The following DRG1 variants were observed in gnomAD, a reference collection of about 807,000 sequenced individuals.
The protein encoded by DRG1 is developmentally regulated GTP binding protein 1.
A neutral mutation model predicts 38.8 loss-of-function variants in DRG1; 19 were observed. The observed-to-expected ratio is 0.49, with a 90% CI of 0.34 to 0.72. DRG1 has a LOEUF of 0.72. DRG1 is among the 30% of genes least tolerant of loss of function. The pLI is 0.01. For synonymous variants in DRG1, 167 were observed against 157.5 expected, an observed-to-expected ratio of 1.06 and a Z score of -0.45; for missense variants, 299 against 444.8, an observed-to-expected ratio of 0.67 and a Z score of 2.95.
chr22:31,404,848 T>C (rs2049981004), intron 3 of DRG1, among the ~76,000 whole-genome samples: 1 of 152,002 alleles, frequency 6.6e-6, no homozygotes, highest in African/African-American at 2.4e-5. Flanking sequence ...GGTTTTGAAC[T>C]CCTGACCTCA....
chr22:31,405,112 C>T (rs1395324831), intron 3 of DRG1, among the ~76,000 whole-genome samples: 1 of 151,668 alleles, frequency 6.6e-6, no homozygotes, highest in Non-Finnish European at 1.5e-5. Flanking sequence ...AAAATATTTC[C>T]CTCTGAAGAA....
intron 5 of DRG1, chr22:31,421,549 C>T (rs2050076978): frequency 6.6e-6 from 1 of 151,898 alleles, no homozygotes; most frequent in South Asian, 2.1e-4. Context: ...AGTGAGACAT[C>T]CAGGTATTTC....
chr22:31,401,241 T>C (rs1416644759), intron 2 of DRG1, among the ~76,000 whole-genome samples: 1 of 148,330 alleles, frequency 6.7e-6, no homozygotes, highest in East Asian at 2.0e-4. Context: ...CCTGTCTCTA[T>C]GGGCTTAGAA....
intron 4 of DRG1, 139 bp from the exon 5 acceptor site, chr22:31,420,108 GCTATAAGAA>G: frequency 1.3e-6 from 1 of 794,410 alleles, no homozygotes; most frequent in Non-Finnish European, 2.0e-6. Context: ...ATCTTCTGTA[GCTATAAGAA>G]CTTCACGTAT....
chr22:31,399,998 C>T (rs1195473533), intron 1 of DRG1, among the ~76,000 whole-genome samples: 2 of 152,136 alleles, frequency 1.3e-5, no homozygotes, highest in East Asian at 3.9e-4. Flanking sequence ...GGCCCTTAGT[C>T]CGTTCCCCCT....
chr22:31,400,496 C>A, intron 1 of DRG1, 124 bp from the exon 2 acceptor site: 4 of 1,256,666 alleles, frequency 3.2e-6, no homozygotes, highest in Non-Finnish European at 3.3e-6. Context: ...TGGACTTTTA[C>A]TCTTTTAAAG....
At chr22:31,432,748 A>T (rs1275134408) in intron 8 of DRG1, among the ~76,000 whole-genome samples, 1 of 151,712 alleles carries the variant, frequency 6.6e-6, no homozygotes, top group Non-Finnish European at 1.5e-5. Flanking sequence ...TTTAGTAGAG[A>T]CAGGGTTTCA....
chr22:31,422,007 C>T (rs1053093060), intron 5 of DRG1, among the ~76,000 whole-genome samples: 37 of 151,414 alleles, frequency 2.4e-4, no homozygotes, highest in African/African-American at 7.8e-4. Flanking sequence ...CTCAGCTACT[C>T]GGGAGGCTGA....
At chr22:31,420,835 T>C (rs1160393623) in intron 5 of DRG1, among the ~76,000 whole-genome samples, 1 of 152,150 alleles carries the variant, frequency 6.6e-6, no homozygotes, top group African/African-American at 2.4e-5. Flanking sequence ...TCTAATTGGA[T>C]AGAATAGAAA....
At chr22:31,401,321 G>A (rs2049959762) in intron 2 of DRG1, among the ~76,000 whole-genome samples, 1 of 151,024 alleles carries the variant, frequency 6.6e-6, no homozygotes, top group Admixed American at 6.6e-5. Flanking sequence ...GGTGGCTCAC[G>A]CCTGTAATCC....
chr22:31,399,683 G>A lies in DRG1; in HGVS notation c.-1G>A, dbSNP rs1456520595. 1.2e-6 allele frequency: 2 copies of A among 1,613,946 alleles called. No individual in the cohort carries two copies. The highest frequency in any genetic ancestry group is 1.7e-5 in the Admixed American group (1 of 60,002). On this transcript the variant is annotated 5_prime_UTR_variant, in exon 1 of 9. Coordinates refer to ENST00000331457, the MANE Select transcript of DRG1 (RefSeq NM_004147.4). Reference sequence around the variant, plus strand: ...GTGGAGGCCACAGGGTACTCGCCACGATGAGCAGCACCTTAGCTAAGATCG... The same window carrying A: ...GTGGAGGCCACAGGGTACTCGCCACAATGAGCAGCACCTTAGCTAAGATCG...
intron 6 of DRG1, among the ~76,000 whole-genome samples, chr22:31,424,448 G>A (rs186317201): frequency 1.6e-3 from 246 of 149,240 alleles, no homozygotes; most frequent in African/African-American, 5.6e-3. Context: ...ACTGCGTCCA[G>A]CCTGTGTTAC....
intron 4 of DRG1, among the ~76,000 whole-genome samples, chr22:31,418,399 A>C (rs1378442662): frequency 6.6e-6 from 1 of 152,078 alleles, no homozygotes; most frequent in Admixed American, 6.6e-5. Context: ...TGGAGGTTAT[A>C]ATGAGCTATG....
intron 3 of DRG1, among the ~76,000 whole-genome samples, chr22:31,407,054 T>C (rs974602177): frequency 2.6e-5 from 4 of 152,216 alleles, no homozygotes; most frequent in Admixed American, 6.5e-5. Flanking sequence ...GTTAGACTTA[T>C]TAGGTATTTT....
intron 4 of DRG1, among the ~76,000 whole-genome samples, chr22:31,417,655 G>A (rs1252339496): frequency 6.6e-6 from 1 of 151,014 alleles, no homozygotes; most frequent in Non-Finnish European, 1.5e-5. Flanking sequence ...ACTCCAGCCT[G>A]CATGACAGAG....
At chr22:31,418,997 C>T (rs1330511832) in intron 4 of DRG1, among the ~76,000 whole-genome samples, 3 of 151,900 alleles carry the variant, frequency 2.0e-5, no homozygotes, top group South Asian at 4.2e-4. Context: ...CTATTTTTAG[C>T]AGAGACAGGG....
chr22:31,429,650 GCTC>G (rs751295933), intron 8 of DRG1, among the ~76,000 whole-genome samples: 12 of 151,148 alleles, frequency 7.9e-5, no homozygotes, highest in Non-Finnish European at 1.6e-4. Flanking sequence ...CTTTTGATAA[GCTC>G]CTTTTTTTTT....
intron 8 of DRG1, among the ~76,000 whole-genome samples, 188 bp from the exon 9 acceptor site, chr22:31,433,683 TC>T (rs1463457251): frequency 4.6e-5 from 7 of 152,198 alleles, no homozygotes; most frequent in Non-Finnish European, 8.8e-5. Context: ...CCACACAACT[TC>T]CAGAAGTCTT....
chr22:31,433,906 C>T lies in DRG1; in HGVS notation c.1039C>T (p.Pro347Ser), dbSNP rs1304122981. The T allele has an allele frequency of 9.9e-6, 16 of 1,614,028 alleles. No individual in the cohort carries two copies. The highest frequency in any genetic ancestry group is 1.1e-5 in the South Asian group (1 of 91,082). The part of the protein sequence containing the change: ...LVWGLSVKHN[P>S]QKVGKDHTLE... ...CTGGGGTCTCTCTGTGAAACACAATCCTCAGAAAGTGGGTAAAGACCATAC... is the reference window on the plus strand; with the variant it reads ...CTGGGGTCTCTCTGTGAAACACAATTCTCAGAAAGTGGGTAAAGACCATAC... The change falls in exon 9 of 9, where the codon CCT becomes TCT. Residue 347 changes from proline (P) to serine (S), a missense_variant. By Grantham distance (74) the Pro-to-Ser change is moderately conservative. Coordinates refer to ENST00000331457, the MANE Select transcript of DRG1 (RefSeq NM_004147.4).
Sources: gnomAD v4.1 joint callset for allele counts (sites outside exome capture counted in the v4.1 genomes callset) on GRCh38, gnomAD v4.1.1 for gene constraint, MANE v1.5 for transcripts, NCBI Gene and HGNC (gene_info 2026-07-23, HGNC 2026-07-21) for gene names.